The following LRP1B variants were observed in gnomAD, a reference collection of about 807,000 sequenced individuals.
The protein encoded by LRP1B is low-density lipoprotein receptor-related protein 1B.
In LRP1B, 217 loss-of-function variants were observed where a neutral mutation model predicts 556.6. That is an observed-to-expected ratio of 0.39 (90% CI 0.35 to 0.44). The LOEUF (loss-of-function observed/expected upper bound fraction) is 0.44, where lower values mean the gene tolerates loss of function less well. Among genes scored for constraint, LRP1B ranks in the 20% least tolerant of loss-of-function variants. LRP1B has a pLI of 1.00. For synonymous variants in LRP1B, 2,047 were observed against 1,865.8 expected (o/e 1.10, Z -2.50); for missense variants, 5,053 against 5,620.8 (o/e 0.90, Z 3.23).
At chr2:140,714,374 G>C (rs1434733376) in intron 37 of LRP1B, among the ~76,000 whole-genome samples, 1 of 152,104 alleles carries the variant, frequency 6.6e-6, no homozygotes, top group Admixed American at 6.6e-5. Flanking sequence ...AGACAAGTAG[G>C]TGTAGTCATA....
intron 2 of LRP1B, among the ~76,000 whole-genome samples, chr2:141,635,047 A>ACACACACACACACACAC (rs35004868): frequency 6.7e-5 from 10 of 149,922 alleles, no homozygotes; most frequent in African/African-American, 2.5e-4. Context: ...ACTATAGTGA[A>ACACACACACACACACAC]ACACACACAC....
intron 2 of LRP1B, among the ~76,000 whole-genome samples, chr2:141,505,393 A>G (rs550997081): frequency 1.6e-4 from 25 of 152,198 alleles, no homozygotes; most frequent in African/African-American, 5.8e-4. Flanking sequence ...CAACACACAC[A>G]TACTTCTGGC....
chr2:141,923,446 A>G lies in LRP1B; in HGVS notation c.83-113045T>C, dbSNP rs545876650. On this transcript the variant is annotated intron_variant, in intron 1 of 90. Transcript: ENST00000389484. ...ATAGTGACAAAGAGATTATATATAT[A>G]TGTGTGTGTGTGTGTGTGTGTGTGT... Among the ~76,000 whole-genome samples, 32 of 81,752 alleles carry G rather than the reference A, an allele frequency of 3.9e-4. 1 individual carries two copies. Among genetic ancestry groups the G allele is most frequent in the African/African-American group, 7.1e-4 (15 of 21,098 alleles). The allele number at this position is 81,752 out of a possible 152,430, so 53.6% of individuals were successfully genotyped here. A position where few individuals can be genotyped will look rare whatever the true frequency, so the allele number is the denominator to read the frequency against.
At chr2:141,534,363 T>C (rs528139504) in intron 2 of LRP1B, among the ~76,000 whole-genome samples, 1 of 152,296 alleles carries the variant, frequency 6.6e-6, no homozygotes, top group East Asian at 1.9e-4. Context: ...AAGATTCATA[T>C]CGTTCCCTTG....
chr2:141,056,514 A>C (rs894664736), intron 9 of LRP1B, among the ~76,000 whole-genome samples: 1 of 151,494 alleles, frequency 6.6e-6, no homozygotes, highest in Admixed American at 6.6e-5. Context: ...AACCCATTCT[A>C]CTCATATATT....
At chr2:141,130,920 A>C (rs1034329397) in intron 7 of LRP1B, among the ~76,000 whole-genome samples, 1 of 152,170 alleles carries the variant, frequency 6.6e-6, no homozygotes, top group African/African-American at 2.4e-5. Flanking sequence ...AAACTAACAC[A>C]GGAACAGAAA....
intron 3 of LRP1B, among the ~76,000 whole-genome samples, chr2:141,477,350 A>G (rs16846151): frequency 0.5 from 75,189 of 150,488 alleles, 19,145 homozygotes; most frequent in Non-Finnish European, 0.55. Context: ...GTTTGAATTA[A>G]TCTGGTTTCT....
intron 43 of LRP1B, 37 bp from the exon 44 acceptor site, chr2:140,542,008 T>C (rs1221063927): frequency 1.4e-6 from 2 of 1,444,138 alleles, no homozygotes; most frequent in East Asian, 2.4e-5. Context: ...TTATGATGAA[T>C]ATATAGACAT....
intron 2 of LRP1B, among the ~76,000 whole-genome samples, chr2:141,777,958 C>T (rs72848414): frequency 0.092 from 14,006 of 152,046 alleles, 708 homozygotes; most frequent in Non-Finnish European, 0.1. Flanking sequence ...GTATGCAAAT[C>T]TATGTATTCT....
At chr2:141,116,198 C>T (rs2104982337) in intron 7 of LRP1B, among the ~76,000 whole-genome samples, 1 of 152,182 alleles carries the variant, frequency 6.6e-6, no homozygotes, top group East Asian at 1.9e-4. Flanking sequence ...TAGCCTATTA[C>T]AGTGATTTGT....
intron 1 of LRP1B, among the ~76,000 whole-genome samples, chr2:142,109,791 T>C (rs1318340100): frequency 6.6e-6 from 1 of 152,116 alleles, no homozygotes; most frequent in African/African-American, 2.4e-5. Flanking sequence ...AAGACAAAAG[T>C]AATAAAACAT....
At chr2:141,787,240 G>A (rs1595318) in intron 2 of LRP1B, among the ~76,000 whole-genome samples, 85,167 of 151,588 alleles carry the variant, frequency 0.56, 25,166 homozygotes, top group African/African-American at 0.75. Flanking sequence ...ACTCCTAGAA[G>A]TTCAATCAAG....
intron 2 of LRP1B, among the ~76,000 whole-genome samples, chr2:141,712,975 G>A (rs532042361): frequency 1.3e-5 from 2 of 151,354 alleles, no homozygotes; most frequent in South Asian, 2.1e-4. Flanking sequence ...ACGACGTCCA[G>A]CCAATTATTA....
chr2:140,850,512 A>C (rs1692424987), intron 28 of LRP1B, among the ~76,000 whole-genome samples, 183 bp from the exon 29 acceptor site: 1 of 152,194 alleles, frequency 6.6e-6, no homozygotes, highest in Admixed American at 6.5e-5. Context: ...AACAAATATG[A>C]AATGAGTTAG....
At chr2:142,050,065 TG>T (rs1704399406) in intron 1 of LRP1B, among the ~76,000 whole-genome samples, 1 of 152,182 alleles carries the variant, frequency 6.6e-6, no homozygotes, top group African/African-American at 2.4e-5. Flanking sequence ...TCAAATTAGT[TG>T]CTTGAATAGC....
intron 3 of LRP1B, among the ~76,000 whole-genome samples, chr2:141,442,625 T>C (rs1171137850): frequency 6.6e-6 from 1 of 152,090 alleles, no homozygotes; most frequent in Non-Finnish European, 1.5e-5. Context: ...TTCCCCTCCC[T>C]GTGTCCTTGT....
At position 141,100,884 on chromosome 2, in the gene LRP1B, G is replaced by T. The variant is rs140484802; in HGVS notation, c.1014-38611C>A. 3.2e-3 allele frequency among the ~76,000 whole-genome samples: 481 copies of T among 152,120 alleles called. 3 individuals carry two copies. The highest frequency in any genetic ancestry group is 0.011 in the African/African-American group (465 of 41,484). ...ATAGTATGCCTGGAAAAACAACATG[G>T]AGAACCCCCCATCTAAAATCCCCTA... On this transcript the variant is annotated intron_variant, in intron 7 of 90. Transcript: ENST00000389484.
intron 2 of LRP1B, among the ~76,000 whole-genome samples, chr2:141,628,980 T>C (rs1303353018): frequency 6.6e-6 from 1 of 152,150 alleles, no homozygotes; most frequent in South Asian, 2.1e-4. Context: ...TGTAGATACA[T>C]TACTGCCTTT....
rs577135686 is a variant in LRP1B at position 140,290,836 on chromosome 2, G to A, written c.12967+6972C>T. On this transcript the variant is annotated intron_variant, in intron 84 of 90. Transcript: ENST00000389484. ...TCTAAAAGTCGCAGCATGGTGGGCA[G>A]GATATTGAATGGCAGAAAAATATAT... is the stretch of plus-strand genomic sequence containing the variant. 9.2e-5 allele frequency among the ~76,000 whole-genome samples: 14 copies of A among 152,126 alleles called. No homozygotes were observed. The South Asian group carries it at 2.9e-3, about 32-fold the overall frequency.
Sources: allele counts gnomAD v4.1 joint callset (sites outside exome capture counted in the v4.1 genomes callset), GRCh38; gene constraint gnomAD v4.1.1; transcripts MANE v1.5; gene names NCBI Gene and HGNC (gene_info 2026-07-23, HGNC 2026-07-21).